The following GPHN variants were observed in gnomAD, a reference collection of about 807,000 sequenced individuals.
The protein encoded by GPHN is gephyrin.
A neutral mutation model predicts 95.5 loss-of-function variants in GPHN; 17 were observed. That is an observed-to-expected ratio of 0.18 (90% confidence interval 0.12 to 0.27). GPHN has a LOEUF of 0.27. Ranked by LOEUF, GPHN falls within the 10% of genes least tolerant of loss-of-function variation. The pLI is 1.00. For synonymous variants in GPHN, 320 were observed against 322.5 expected, an observed-to-expected ratio of 0.99 and a Z score of 0.08; for missense variants, 660 against 978.1, an observed-to-expected ratio of 0.67 and a Z score of 4.34.
intron 10 of GPHN, among the ~76,000 whole-genome samples, chr14:67,040,057 A>C (rs958933707): frequency 3.3e-5 from 5 of 152,164 alleles, no homozygotes; most frequent in Non-Finnish European, 7.4e-5. Context: ...TGGTTAATAT[A>C]ATATGCAATT....
In GPHN at chr14:66,770,497, C is replaced by T. The variant is rs116813441; in HGVS notation, c.144-5967C>T. Among the ~76,000 whole-genome samples the T allele has an allele frequency of 7.0e-3, 1,068 of 152,100 alleles. 5 individuals are homozygous for T. The highest frequency in any genetic ancestry group is 0.025 in the African/African-American group (1,021 of 41,516). On this transcript the variant is annotated intron_variant, in intron 2 of 22. Coordinates refer to ENST00000478722, the MANE Select transcript of GPHN (RefSeq NM_020806.5). ...AATGGTACCTTTAATATTAATGAAA[C>T]CTATAAACCATGAAAGTTACTGTAG...
At chr14:67,272,169 A>T in the GPHN span, 13 of 152,248 alleles carry the variant, frequency 8.5e-5, no homozygotes, top group African/African-American at 2.9e-4. Context: ...ATCTTTGATG[A>T]TTCTCTTATT....
At chr14:67,386,532 T>A in the GPHN span, 2 of 152,252 alleles carry the variant, frequency 1.3e-5, no homozygotes, top group Admixed American at 6.5e-5. Flanking sequence ...TGATACAGAC[T>A]TTTCACTACA....
intron 2 of GPHN, among the ~76,000 whole-genome samples, chr14:66,741,989 C>G (rs1277346540): frequency 6.6e-6 from 1 of 152,104 alleles, no homozygotes; most frequent in Non-Finnish European, 1.5e-5. Context: ...TTTTTTAGTC[C>G]TCTTGAGCAA....
chr14:67,627,500 G>A, the GPHN span, among the ~76,000 whole-genome samples: 1 of 152,064 alleles, frequency 6.6e-6, no homozygotes. Flanking sequence ...CATCTCTGAG[G>A]TGCCTTTTGA....
the GPHN span, among the ~76,000 whole-genome samples, chr14:67,596,657 A>G: frequency 0.78 from 118,567 of 151,958 alleles, 46,475 homozygotes; most frequent in Middle Eastern, 0.84. Context: ...TACCCACCCA[A>G]TTGTAGCAAG....
chr14:66,939,037 A>C (rs528698157), intron 8 of GPHN, among the ~76,000 whole-genome samples: 2 of 152,344 alleles, frequency 1.3e-5, no homozygotes, highest in South Asian at 4.1e-4. Context: ...ATATACAAAA[A>C]TTAATTCAAA....
At position 66,513,566 on chromosome 14, in the gene GPHN, T is replaced by A. The variant is rs533695197; in HGVS notation, c.64+4975T>A. On this transcript the variant is annotated intron_variant, in intron 1 of 22. Transcript: ENST00000478722. ...AAGCATATTTGGAATTTGAAAGGTA[T>A]TAAAAAAAGATCCTGAAAAAGAAAG... is the stretch of plus-strand genomic sequence containing the variant. 2.0e-4 allele frequency among the ~76,000 whole-genome samples: 30 copies of A among 151,846 alleles called. 2 individuals carry two copies. The South Asian group carries it at 6.2e-3, about 32-fold the overall frequency.
chr14:66,972,597 T>G (rs1028245784), intron 9 of GPHN, among the ~76,000 whole-genome samples: 1 of 151,888 alleles, frequency 6.6e-6, no homozygotes, highest in African/African-American at 2.4e-5. Flanking sequence ...GGCTCAAGTT[T>G]TAATTAATTT....
the GPHN span, chr14:67,642,069 A>T: frequency 9.8e-7 from 1 of 1,019,900 alleles, no homozygotes; most frequent in Non-Finnish European, 1.4e-6. Context: ...TTTAAATTTT[A>T]CTGTGACAAA....
chr14:66,985,986 A>G (rs1339110030), intron 9 of GPHN, among the ~76,000 whole-genome samples: 4 of 152,128 alleles, frequency 2.6e-5, no homozygotes, highest in South Asian at 2.1e-4. Context: ...AGAAAGGGCA[A>G]CTGCCTCATT....
At chr14:66,679,978 T>G (rs181042789) in intron 1 of GPHN, among the ~76,000 whole-genome samples, 195 of 152,312 alleles carry the variant, frequency 1.3e-3, no homozygotes, top group Non-Finnish European at 1.2e-3. Context: ...CCAAATATTG[T>G]TTATAATAGA....
chr14:67,378,218 A>T, the GPHN span, among the ~76,000 whole-genome samples: 3 of 151,118 alleles, frequency 2.0e-5, no homozygotes, highest in African/African-American at 7.3e-5. Flanking sequence ...TAGAGGGGGG[A>T]AAAAAGAGAA....
intron 9 of GPHN, among the ~76,000 whole-genome samples, chr14:66,981,040 AC>A (rs2070633001): frequency 1.3e-5 from 2 of 152,262 alleles, no homozygotes; most frequent in South Asian, 4.1e-4. Flanking sequence ...CAAGAGTGAA[AC>A]TCCGTCTCAA....
chr14:66,797,849 G>T (rs28762177), intron 3 of GPHN, among the ~76,000 whole-genome samples: 42,582 of 151,446 alleles, frequency 0.28, 11,592 homozygotes, highest in African/African-American at 0.69. Flanking sequence ...ATCTAGAACA[G>T]CCATTACTAT....
intron 8 of GPHN, among the ~76,000 whole-genome samples, chr14:66,935,100 A>G (rs2067042285): frequency 6.6e-6 from 1 of 152,194 alleles, no homozygotes; most frequent in Non-Finnish European, 1.5e-5. Context: ...AGATATTTTC[A>G]GAGAGACTGG....
chr14:66,614,457 T>A (rs896608937), intron 1 of GPHN, among the ~76,000 whole-genome samples: 1 of 152,188 alleles, frequency 6.6e-6, no homozygotes, highest in Non-Finnish European at 1.5e-5. Context: ...GTAAATGATA[T>A]TGAATTAATT....
chr14:67,648,488 TTAAGA>T, the GPHN span: 1 of 210,802 alleles, frequency 4.7e-6, no homozygotes, highest in Non-Finnish European at 9.4e-6. Context: ...TAAAGGCAGA[TTAAGA>T]TAAGAAGGCA....
intron 1 of GPHN, among the ~76,000 whole-genome samples, chr14:66,664,741 T>C (rs1465214403): frequency 2.0e-5 from 3 of 150,982 alleles, no homozygotes; most frequent in Non-Finnish European, 4.4e-5. Flanking sequence ...GATAGACTCA[T>C]GAAGAGAGAA....
Sources: gnomAD v4.1 joint callset for allele counts (sites outside exome capture counted in the v4.1 genomes callset) on GRCh38, gnomAD v4.1.1 for gene constraint, MANE v1.5 for transcripts, NCBI Gene and HGNC (gene_info 2026-07-23, HGNC 2026-07-21) for gene names.